The following CDK14 variants were observed in gnomAD, a reference collection of about 807,000 sequenced individuals.
The protein encoded by CDK14 is cyclin dependent kinase 14, also known as cyclin-dependent kinase 14.
A neutral mutation model predicts 60.7 loss-of-function variants in CDK14; 34 were observed. The ratio of observed to expected loss-of-function variants is 0.56; its 90% CI spans 0.43 to 0.75. The LOEUF (loss-of-function observed/expected upper bound fraction) is 0.75. CDK14 is among the 30% of genes least tolerant of loss of function. The pLI, the probability that CDK14 is intolerant of heterozygous loss-of-function variation, is 0.00. For synonymous variants in CDK14, 197 were observed against 203.7 expected, an observed-to-expected ratio of 0.97 and a Z score of 0.28; for missense variants, 482 against 564.1, an observed-to-expected ratio of 0.85 and a Z score of 1.47.
chr7:90,864,117 T>A (rs1791098911), intron 6 of CDK14, among the ~76,000 whole-genome samples: 1 of 152,030 alleles, frequency 6.6e-6, no homozygotes, highest in African/African-American at 2.4e-5. Flanking sequence ...TGAAGTACTT[T>A]CCATTTTTCC....
At chr7:90,842,480 G>A (rs1277716232) in intron 5 of CDK14, among the ~76,000 whole-genome samples, 1 of 152,172 alleles carries the variant, frequency 6.6e-6, no homozygotes, top group Non-Finnish European at 1.5e-5. Flanking sequence ...AAGGAAGGGT[G>A]TTAGGAACAA....
intron 11 of CDK14, among the ~76,000 whole-genome samples, chr7:91,064,959 G>A (rs1044825641): frequency 1.3e-5 from 2 of 152,158 alleles, no homozygotes; most frequent in African/African-American, 4.8e-5. Flanking sequence ...TGACTTTTAG[G>A]TAGAGAAAGG....
At chr7:91,031,861 C>T (rs1333914496) in intron 10 of CDK14, among the ~76,000 whole-genome samples, 1 of 152,112 alleles carries the variant, frequency 6.6e-6, no homozygotes, top group Admixed American at 6.5e-5. Context: ...AAAGTATGTC[C>T]AGTAGGTCAG....
Position 90,789,765 on chromosome 7 carries a change from A to G in CDK14, c.465-808A>G, listed in dbSNP as rs369805755. On this transcript the variant is annotated intron_variant, in intron 4 of 14. Transcript: ENST00000380050. ...TTTTCCTATTTTAATTAACAAACAA[A>G]CCAAATAAAGTATGGTTCTAGGCCC... 2.0e-5 allele frequency among the ~76,000 whole-genome samples: 3 copies of G among 152,266 alleles called. No homozygotes were observed. The East Asian group carries it at 5.8e-4, about 29-fold the overall frequency.
chr7:90,883,146 A>G (rs1412079335), intron 6 of CDK14, among the ~76,000 whole-genome samples: 1 of 152,120 alleles, frequency 6.6e-6, no homozygotes, highest in Non-Finnish European at 1.5e-5. Context: ...CAAAAAATAA[A>G]TGAATCCAGG....
intron 5 of CDK14, among the ~76,000 whole-genome samples, chr7:90,839,418 G>A (rs1252479676): frequency 6.6e-6 from 1 of 152,188 alleles, no homozygotes; most frequent in East Asian, 1.9e-4. Context: ...TGCTGTTTCA[G>A]TGTGGTGAAA....
intron 5 of CDK14, among the ~76,000 whole-genome samples, chr7:90,813,342 G>A (rs1363365883): frequency 6.6e-6 from 1 of 151,992 alleles, no homozygotes; most frequent in African/African-American, 2.4e-5. Flanking sequence ...TCTGGATTGT[G>A]CTTATAGTTG....
At chr7:90,915,949 ACT>A (rs1793065896) in intron 7 of CDK14, among the ~76,000 whole-genome samples, 1 of 152,138 alleles carries the variant, frequency 6.6e-6, no homozygotes. Flanking sequence ...TTCTGATAAG[ACT>A]CTGCTAGATC....
At chr7:90,804,453 T>A (rs1437033616) in intron 5 of CDK14, among the ~76,000 whole-genome samples, 1 of 152,144 alleles carries the variant, frequency 6.6e-6, no homozygotes, top group Admixed American at 6.5e-5. Context: ...ACTGAAAAAA[T>A]TAACATGAAT....
intron 10 of CDK14, among the ~76,000 whole-genome samples, chr7:91,002,284 A>G (rs1419904386): frequency 2.0e-5 from 3 of 152,228 alleles, no homozygotes; most frequent in African/African-American, 4.8e-5. Context: ...TGATGTTTAC[A>G]GTATCTCCAA....
chr7:90,775,643 C>CCCCCGTCCCCT (rs1805002802), intron 4 of CDK14, among the ~76,000 whole-genome samples: 1 of 101,584 alleles, frequency 9.8e-6, no homozygotes, highest in Non-Finnish European at 2.1e-5. Flanking sequence ...CCCTTCCCCT[C>CCCCCGTCCCCT]CCCCTTCCCC....
At chr7:90,847,213 T>A (rs534542503) in intron 5 of CDK14, among the ~76,000 whole-genome samples, 2 of 152,232 alleles carry the variant, frequency 1.3e-5, no homozygotes, top group South Asian at 4.1e-4. Context: ...AGGAGTCAAA[T>A]GTTAAAAGTT....
intron 9 of CDK14, among the ~76,000 whole-genome samples, chr7:90,974,299 A>G (rs1299067435): frequency 6.8e-6 from 1 of 147,342 alleles, no homozygotes; most frequent in Non-Finnish European, 1.5e-5. Flanking sequence ...TATTGTTCAA[A>G]CACACATGTT....
intron 4 of CDK14, among the ~76,000 whole-genome samples, chr7:90,750,586 A>G (rs1340919195): frequency 6.6e-6 from 1 of 152,214 alleles, no homozygotes; most frequent in East Asian, 1.9e-4. Flanking sequence ...TTTCAATACA[A>G]TTGAGGCCGG....
At position 90,899,395 on chromosome 7, in the gene CDK14, T is replaced by C. The variant is rs1165477218; in HGVS notation, c.702+42T>C. On this transcript the variant is annotated intron_variant, in intron 7 of 14. Coordinates refer to ENST00000380050, the MANE Select transcript of CDK14 (RefSeq NM_001287135.2). ...TTAAGCCAAAGGTTAGCATTCTTGA[T>C]GTGTATTTTTTGAACTGAAGTCTAG... The C allele has an allele frequency of 4.8e-6, 7 of 1,471,780 alleles. No homozygotes were observed. In the South Asian group the frequency reaches 8.2e-5, roughly 17 times the overall value. 91.2% of individuals were successfully genotyped at this position (1,471,780 alleles called of 1,614,324 possible).
chr7:90,930,350 A>G (rs1347395969), intron 8 of CDK14, among the ~76,000 whole-genome samples: 1 of 152,126 alleles, frequency 6.6e-6, no homozygotes, highest in Non-Finnish European at 1.5e-5. Flanking sequence ...TCATTACAGT[A>G]AAAATATCAG....
chr7:90,655,289 G>T (rs998562536), intron 2 of CDK14, among the ~76,000 whole-genome samples: 1 of 151,902 alleles, frequency 6.6e-6, no homozygotes. Flanking sequence ...TCCAAGTTTT[G>T]GCAATTATGA....
rs145303395 is a variant in CDK14 at position 91,118,124 on chromosome 7, C to T, written c.1354C>T (p.Arg452Trp). 467 of 1,613,234 alleles carry T rather than the reference C, an allele frequency of 2.9e-4. No individual in the cohort carries two copies. The highest frequency in any genetic ancestry group is 3.6e-4 in the Non-Finnish European group (420 of 1,179,548). ...GCAACCAGAAGCTGGAGAAAGCATGCGGGCCTTTGGGAAAAACAATAGTTA... is the reference window on the plus strand; with the variant it reads ...GCAACCAGAAGCTGGAGAAAGCATGTGGGCCTTTGGGAAAAACAATAGTTA... ...RLQPEAGESM[R>W]AFGKNNSYGK... The change falls in exon 14 of 15, where the codon CGG (arginine) becomes TGG (tryptophan). Residue 452 changes from arginine to tryptophan, a missense_variant. Coordinates refer to ENST00000380050, the MANE Select transcript of CDK14 (RefSeq NM_001287135.2).
chr7:90,872,815 C>A (rs1337844141), intron 6 of CDK14, among the ~76,000 whole-genome samples: 4 of 152,122 alleles, frequency 2.6e-5, no homozygotes, highest in African/African-American at 9.7e-5. Context: ...AAATGCCTGC[C>A]TATCCACAAA....
Sources: gnomAD v4.1 joint callset for allele counts (sites outside exome capture counted in the v4.1 genomes callset) on GRCh38, gnomAD v4.1.1 for gene constraint, MANE v1.5 for transcripts, NCBI Gene and HGNC (gene_info 2026-07-23, HGNC 2026-07-21) for gene names.